The following CDH2 variants were observed in gnomAD, a reference collection of about 807,000 sequenced individuals.
CDH2 encodes cadherin-2.
In CDH2, 17 loss-of-function variants were observed where a neutral mutation model predicts 92.0. That is an observed-to-expected ratio of 0.18 (90% CI 0.13 to 0.28). The LOEUF (loss-of-function observed/expected upper bound fraction) is 0.28, where lower values mean the gene tolerates loss of function less well. Ranked by LOEUF, CDH2 falls within the 10% of genes least tolerant of loss-of-function variation. The pLI, the probability that CDH2 is intolerant of heterozygous loss-of-function variation, is 1.00. For synonymous variants in CDH2, 419 were observed against 415.9 expected, an observed-to-expected ratio of 1.01 and a Z score of -0.09; for missense variants, 862 against 1,133.1, an observed-to-expected ratio of 0.76 and a Z score of 3.44.
chr18:27,974,129 T>C (rs1275833249), intron 14 of CDH2, among the ~76,000 whole-genome samples: 1 of 152,208 alleles, frequency 6.6e-6, no homozygotes, highest in East Asian at 1.9e-4. Context: ...TTCTCTCTCA[T>C]TTAAGCAATA....
chr18:27,942,254 A>G (rs1598976802), intron 6 of CDH2, among the ~76,000 whole-genome samples: 1 of 152,228 alleles, frequency 6.6e-6, no homozygotes, highest in African/African-American at 2.4e-5. Context: ...CCTGAAACTT[A>G]AAAAGCTTTT....
At chr18:28,021,604 A>G (rs2013412689) in intron 2 of CDH2, among the ~76,000 whole-genome samples, 1 of 151,960 alleles carries the variant, frequency 6.6e-6, no homozygotes, top group African/African-American at 2.4e-5. Flanking sequence ...GGAAATAATT[A>G]TTTTAAAGAA....
At chr18:28,127,433 C>T (rs980238678) in intron 2 of CDH2, among the ~76,000 whole-genome samples, 5 of 152,120 alleles carry the variant, frequency 3.3e-5, no homozygotes, top group African/African-American at 7.2e-5. Flanking sequence ...GAAATTGGGA[C>T]GCAGCCATAA....
intron 2 of CDH2, among the ~76,000 whole-genome samples, chr18:28,017,533 A>C (rs2013285966): frequency 6.6e-6 from 1 of 152,022 alleles, no homozygotes; most frequent in African/African-American, 2.4e-5. Flanking sequence ...TTAACGGTCT[A>C]CTAGTTTTAC....
chr18:27,975,361 C>T lies in CDH2; in HGVS notation c.2349+7583G>A, dbSNP rs74576726. 2.1e-3 allele frequency among the ~76,000 whole-genome samples: 316 copies of T among 152,318 alleles called. 1 individual carries two copies. Among genetic ancestry groups the T allele is most frequent in the African/African-American group, 7.5e-3 (311 of 41,580 alleles). On this transcript the variant is annotated intron_variant, in intron 14 of 15. Coordinates refer to ENST00000269141, the MANE Select transcript of CDH2 (RefSeq NM_001792.5). The stretch of plus-strand genomic sequence containing the variant: ...AGCTTCAGTCTCTCACAAGTTAACT[C>T]TGCCTGACAGAAAAGTCCTCATCCC...
At position 28,002,859 on chromosome 18, in the gene CDH2, C is replaced by T. The variant is rs946093054; in HGVS notation, c.1020+138G>A. On this transcript the variant is annotated intron_variant, in intron 7 of 15. Transcript: ENST00000269141. ...TGAAGCTCTGCAGAAAAATATACAA[C>T]AGATTACTTAATGAAAACGATTAGC... The T allele has an allele frequency of 7.6e-6, 6 of 784,632 alleles. No homozygotes were observed. In the African/African-American group the frequency reaches 1.0e-4, roughly 14 times the overall value. The allele number at this position is 784,632 out of a possible 1,614,324, so 48.6% of individuals were successfully genotyped here.
chr18:27,957,555 T>A lies in CDH2; in HGVS notation c.2515-5196A>T, dbSNP rs2011283729. Among the ~76,000 whole-genome samples the A allele has an allele frequency of 2.0e-5, 3 of 152,204 alleles. No individual in the cohort carries two copies. The South Asian group carries it at 6.2e-4, about 32-fold the overall frequency. On this transcript the variant is annotated intron_variant, in intron 15 of 15. Coordinates refer to ENST00000269141, the MANE Select transcript of CDH2 (RefSeq NM_001792.5). ...GTGTGAGCTGCTGTGCCCGGCCTCATCTACTTTTATCATCTTGTTTGGATG... is the reference window on the plus strand; with the variant it reads ...GTGTGAGCTGCTGTGCCCGGCCTCAACTACTTTTATCATCTTGTTTGGATG...
intron 2 of CDH2, among the ~76,000 whole-genome samples, chr18:28,024,579 T>G (rs545566397): frequency 4.6e-5 from 7 of 151,458 alleles, no homozygotes; most frequent in South Asian, 2.1e-4. Flanking sequence ...TTTAATTTAG[T>G]AATTAAAAGT....
chr18:27,963,314 T>C (rs978954878), intron 15 of CDH2, 43 bp downstream of exon 15: 2 of 1,586,910 alleles, frequency 1.3e-6, no homozygotes, highest in Admixed American at 1.7e-5. Flanking sequence ...ACCATTAGCA[T>C]GAAATGAAAA....
chr18:27,993,456 C>T (rs201464229), intron 8 of CDH2, 44 bp downstream of exon 8: 74 of 1,583,438 alleles, frequency 4.7e-5, no homozygotes, highest in Admixed American at 7.1e-5. Context: ...TTCTCAGTAA[C>T]GAACTACAGA....
chr18:28,067,953 T>A (rs541381530), intron 2 of CDH2, among the ~76,000 whole-genome samples: 1 of 152,356 alleles, frequency 6.6e-6, no homozygotes, highest in East Asian at 1.9e-4. Flanking sequence ...TAGAAACTGA[T>A]GTTTATAATG....
At chr18:28,015,667 CT>C (rs751965545) in intron 2 of CDH2, among the ~76,000 whole-genome samples, 3 of 152,086 alleles carry the variant, frequency 2.0e-5, no homozygotes, top group Non-Finnish European at 4.4e-5. Flanking sequence ...CTTCTGCACA[CT>C]TTTTTGTTAA....
chr18:28,045,641 C>T (rs900476798), intron 2 of CDH2: 1 of 287,948 alleles, frequency 3.5e-6, no homozygotes, highest in Non-Finnish European at 6.8e-6. Context: ...GGGTCATTTC[C>T]TTTATGACGT....
At chr18:28,125,396 T>G (rs573578374) in intron 2 of CDH2, among the ~76,000 whole-genome samples, 1 of 152,140 alleles carries the variant, frequency 6.6e-6, no homozygotes, top group East Asian at 1.9e-4. Flanking sequence ...CAAAGGCAGA[T>G]AGGAGATGGA....
At chr18:28,117,532 A>T (rs2015515481) in intron 2 of CDH2, among the ~76,000 whole-genome samples, 1 of 152,150 alleles carries the variant, frequency 6.6e-6, no homozygotes, top group African/African-American at 2.4e-5. Flanking sequence ...GCCTAGGATC[A>T]CTAGGTCACA....
chr18:28,023,429 T>C (rs1343022759), intron 2 of CDH2, among the ~76,000 whole-genome samples: 4 of 152,148 alleles, frequency 2.6e-5, no homozygotes, highest in African/African-American at 9.7e-5. Flanking sequence ...GCTCAAGTGA[T>C]TCTCTTGCTT....
intron 2 of CDH2, among the ~76,000 whole-genome samples, chr18:28,032,344 T>C (rs1567972366): frequency 6.6e-6 from 1 of 152,120 alleles, no homozygotes; most frequent in Non-Finnish European, 1.5e-5. Context: ...GAACCATCAA[T>C]TATAACCCTG....
chr18:28,060,864 A>T (rs181595053), intron 2 of CDH2, among the ~76,000 whole-genome samples: 7 of 152,288 alleles, frequency 4.6e-5, no homozygotes, highest in Admixed American at 3.3e-4. Context: ...TTGGATACTC[A>T]TTGTTTTCGG....
At chr18:28,053,367 C>T (rs1345143129) in intron 2 of CDH2, among the ~76,000 whole-genome samples, 2 of 152,106 alleles carry the variant, frequency 1.3e-5, no homozygotes, top group African/African-American at 2.4e-5. Flanking sequence ...ACCTATTATG[C>T]TTAAGAAGAT....
Sources: allele counts gnomAD v4.1 joint callset (sites outside exome capture counted in the v4.1 genomes callset), GRCh38; gene constraint gnomAD v4.1.1; transcripts MANE v1.5; gene names NCBI Gene and HGNC (gene_info 2026-07-23, HGNC 2026-07-21).